VAT1L: variants seen among roughly 807,000 people sequenced by gnomAD.
VAT1L encodes vesicle amine transport 1 like.
VAT1L carries 34 observed loss-of-function variants against 44.1 expected under a neutral mutation model. The observed-to-expected ratio is 0.77, with a 90% CI of 0.59 to 1.03. The LOEUF is 1.03. Ranked by LOEUF, VAT1L falls within the 50% of genes least tolerant of loss-of-function variation. The pLI is 0.00. For synonymous variants in VAT1L, 253 were observed against 202.2 expected (o/e 1.25, Z -2.13); for missense variants, 615 against 538.8 (o/e 1.14, Z -1.40).
At position 77,978,690 on chromosome 16, in the gene VAT1L, T is replaced by C. The variant is rs1280301738; in HGVS notation, c.*995T>C. ...CCCAACATGTAACAAACTCTAGGGA[T>C]ACAAAAGGTTTATATTCAGCATCTG... On this transcript the variant is annotated 3_prime_UTR_variant, in exon 9 of 9. Transcript: ENST00000302536. 3 of 152,226 alleles carry C rather than the reference T, an allele frequency of 2.0e-5. No homozygotes were observed. The highest frequency in any genetic ancestry group is 4.8e-5 in the African/African-American group (2 of 41,462). The allele number at this position is 152,226 out of a possible 1,614,324, so 9.4% of individuals were successfully genotyped here.
At chr16:77,889,536 A>C (rs1187094935) in intron 7 of VAT1L, among the ~76,000 whole-genome samples, 2 of 152,228 alleles carry the variant, frequency 1.3e-5, no homozygotes, top group Non-Finnish European at 2.9e-5. Flanking sequence ...AGTCCTAGAC[A>C]ACATGTTAAT....
chr16:77,925,957 C>G (rs1203020863), intron 7 of VAT1L, among the ~76,000 whole-genome samples: 1 of 152,088 alleles, frequency 6.6e-6, no homozygotes, highest in African/African-American at 2.4e-5. Flanking sequence ...TGCTGATAAT[C>G]TGTCATTAAA....
intron 5 of VAT1L, 86 bp downstream of exon 5, chr16:77,876,559 C>A: frequency 8.2e-7 from 1 of 1,220,382 alleles, no homozygotes; most frequent in Non-Finnish European, 1.2e-6. Flanking sequence ...GTGAATTGTG[C>A]TGATATGTTG....
intron 3 of VAT1L, among the ~76,000 whole-genome samples, chr16:77,845,420 T>A (rs1398272065): frequency 6.6e-6 from 1 of 152,180 alleles, no homozygotes; most frequent in African/African-American, 2.4e-5. Flanking sequence ...CCCACTAGAA[T>A]AGAGCTTTGT....
chr16:77,901,836 G>C (rs187889105), intron 7 of VAT1L, among the ~76,000 whole-genome samples: 131 of 152,338 alleles, frequency 8.6e-4, no homozygotes, highest in Non-Finnish European at 1.4e-3. Context: ...AAAGTGGGCA[G>C]AGCAAGAAGA....
At chr16:77,856,829 G>T (rs2142438168) in intron 3 of VAT1L, among the ~76,000 whole-genome samples, 2 of 152,242 alleles carry the variant, frequency 1.3e-5, no homozygotes, top group East Asian at 3.9e-4. Flanking sequence ...TAGCTGCACA[G>T]ATGAGAAGAT....
chr16:77,804,353 G>A (rs934596750), intron 1 of VAT1L, among the ~76,000 whole-genome samples: 5 of 152,118 alleles, frequency 3.3e-5, no homozygotes, highest in African/African-American at 1.2e-4. Flanking sequence ...CAGCATCTAG[G>A]AGTGCTTGTT....
At position 77,913,221 on chromosome 16, in the gene VAT1L, C is replaced by T. The variant is rs188363753; in HGVS notation, c.1077+28419C>T. 1.7e-3 allele frequency among the ~76,000 whole-genome samples: 255 copies of T among 152,212 alleles called. 1 individual carries two copies. Among genetic ancestry groups the T allele is most frequent in the African/African-American group, 5.8e-3 (239 of 41,534 alleles). On this transcript the variant is annotated intron_variant, in intron 7 of 8. Transcript: ENST00000302536. ...TTTTATTGTGGCAAAAACACATAAA[C>T]GTACTGTCTTAAATTTTTAAGTGTA...
At chr16:77,973,562 C>T (rs547388594) in intron 8 of VAT1L, among the ~76,000 whole-genome samples, 2 of 151,860 alleles carry the variant, frequency 1.3e-5, no homozygotes, top group Non-Finnish European at 2.9e-5. Flanking sequence ...GGATTACAGG[C>T]GTGAGCCACC....
chr16:77,916,932 C>A (rs943227446), intron 7 of VAT1L, among the ~76,000 whole-genome samples: 1 of 152,010 alleles, frequency 6.6e-6, no homozygotes, highest in African/African-American at 2.4e-5. Flanking sequence ...ATTTTCACAG[C>A]AACAGCCATG....
At chr16:77,923,654 C>G (rs1161599192) in intron 7 of VAT1L, among the ~76,000 whole-genome samples, 1 of 152,178 alleles carries the variant, frequency 6.6e-6, no homozygotes. Context: ...TCCTCCGGGC[C>G]TCAGTTTCCC....
intron 3 of VAT1L, among the ~76,000 whole-genome samples, chr16:77,837,695 G>A (rs1423640742): frequency 1.3e-5 from 2 of 152,158 alleles, no homozygotes; most frequent in African/African-American, 4.8e-5. Context: ...CAGCTTCTCT[G>A]GTTTCCAGGT....
At chr16:77,964,917 A>G (rs941190827) in intron 7 of VAT1L, among the ~76,000 whole-genome samples, 2 of 150,284 alleles carry the variant, frequency 1.3e-5, no homozygotes, top group Non-Finnish European at 2.9e-5. Flanking sequence ...CAGCCTCCCG[A>G]GTAGCTGGGA....
At chr16:77,834,419 T>C (rs2016616594) in intron 3 of VAT1L, among the ~76,000 whole-genome samples, 1 of 152,280 alleles carries the variant, frequency 6.6e-6, no homozygotes, top group African/African-American at 2.4e-5. Context: ...GCAGGGCCCA[T>C]GCATCTGAGT....
chr16:77,962,027 T>C (rs1175173043), intron 7 of VAT1L, among the ~76,000 whole-genome samples: 16 of 152,140 alleles, frequency 1.1e-4, no homozygotes, highest in African/African-American at 3.9e-4. Flanking sequence ...CTGTGAGTCA[T>C]CTCTAATTCT....
chr16:77,948,409 C>T (rs2017997315), intron 7 of VAT1L, among the ~76,000 whole-genome samples: 1 of 152,222 alleles, frequency 6.6e-6, no homozygotes, highest in African/African-American at 2.4e-5. Flanking sequence ...ATTTGCAACA[C>T]CATCATCAAA....
chr16:77,969,011 G>A lies in VAT1L; in HGVS notation c.1078-2839G>A, dbSNP rs527468329. Reference sequence around the variant, plus strand: ...TTTTTGTTTTTTTAGTAGAGATGGGGTTTCCCCATGTTGGCCAGGCTGGTC... The same window carrying A: ...TTTTTGTTTTTTTAGTAGAGATGGGATTTCCCCATGTTGGCCAGGCTGGTC... On this transcript the variant is annotated intron_variant, in intron 7 of 8. Coordinates refer to ENST00000302536, the MANE Select transcript of VAT1L (RefSeq NM_020927.3). Among the ~76,000 whole-genome samples the A allele has an allele frequency of 1.4e-3, 218 of 152,116 alleles. 1 individual carries two copies. The highest frequency in any genetic ancestry group is 3.8e-3 in the African/African-American group (158 of 41,526).
chr16:77,788,897 A>T lies in VAT1L; in HGVS notation c.215A>T (p.Lys72Met), dbSNP rs1354320213. ...CCCGAGCCTCAGGACGGCGAGCTCA[A>T]GATCCGCGTCAAAGCCTGGTCCAGT... ...AMPEPQDGEL[K>M]IRVKACGLNF... Residue 72 changes from lysine (K) to methionine (M), a missense_variant, in exon 1 of 9, where the codon AAG becomes ATG. Lys to Met is a moderately conservative substitution (Grantham distance 95). Coordinates refer to ENST00000302536, the MANE Select transcript of VAT1L (RefSeq NM_020927.3). The T allele has an allele frequency of 4.6e-6, 7 of 1,535,850 alleles. No individual in the cohort carries two copies. Among genetic ancestry groups the T allele is most frequent in the Non-Finnish European group, 6.1e-6 (7 of 1,143,132 alleles).
chr16:77,881,519 T>C (rs1486509518), intron 6 of VAT1L, among the ~76,000 whole-genome samples: 9 of 152,206 alleles, frequency 5.9e-5, no homozygotes, highest in Non-Finnish European at 1.3e-4. Flanking sequence ...CAGTGAAAAG[T>C]ATGGTAAGGA....
Sources: allele counts gnomAD v4.1 joint callset (sites outside exome capture counted in the v4.1 genomes callset), GRCh38; gene constraint gnomAD v4.1.1; transcripts MANE v1.5; gene names NCBI Gene and HGNC (gene_info 2026-07-23, HGNC 2026-07-21).